The following TTLL5 variants were observed in gnomAD, a reference collection of about 807,000 sequenced individuals.
TTLL5 encodes the protein tubulin polyglutamylase TTLL5.
A neutral mutation model predicts 168.4 loss-of-function variants in TTLL5; 132 were observed. That is an observed-to-expected ratio of 0.78 (90% CI 0.68 to 0.91). The LOEUF (loss-of-function observed/expected upper bound fraction) is 0.91. Among genes scored for constraint, TTLL5 ranks in the 40% least tolerant of loss-of-function variants. The pLI is 0.00. For synonymous variants in TTLL5, 546 were observed against 558.6 expected, an observed-to-expected ratio of 0.98 and a Z score of 0.32; for missense variants, 1,545 against 1,581.5, an observed-to-expected ratio of 0.98 and a Z score of 0.39.
chr14:75,700,844 G>A (rs1254242962), intron 7 of TTLL5, among the ~76,000 whole-genome samples: 2 of 152,048 alleles, frequency 1.3e-5, no homozygotes, highest in African/African-American at 2.4e-5. Context: ...TGCTGCTGCC[G>A]CTGACAGACT....
intron 15 of TTLL5, among the ~76,000 whole-genome samples, chr14:75,739,255 C>T (rs1014900101): frequency 1.3e-5 from 2 of 152,132 alleles, no homozygotes; most frequent in Admixed American, 6.5e-5. Flanking sequence ...TACTTGCTTA[C>T]GTGACATAAA....
At chr14:75,933,685 A>C (rs2034346695) in intron 31 of TTLL5, among the ~76,000 whole-genome samples, 1 of 152,186 alleles carries the variant, frequency 6.6e-6, no homozygotes, top group Admixed American at 6.5e-5. Flanking sequence ...TTATGGACTG[A>C]ATTGTGTCCA....
intron 12 of TTLL5, among the ~76,000 whole-genome samples, chr14:75,729,191 A>T (rs1888375925): frequency 6.6e-6 from 1 of 152,210 alleles, no homozygotes; most frequent in Admixed American, 6.5e-5. Flanking sequence ...TAGTCCTTTG[A>T]AAACACTTGC....
intron 14 of TTLL5, 84 bp from the exon 15 acceptor site, chr14:75,735,111 T>G: frequency 8.0e-7 from 1 of 1,247,082 alleles, no homozygotes; most frequent in Non-Finnish European, 1.2e-6. Context: ...GAAACTGAGT[T>G]TGTGTATCTA....
Position 75,813,283 on chromosome 14 carries a change from T to TGC in TTLL5, c.3172-6723_3172-6722insCG, listed in dbSNP as rs1894176987. Among the ~76,000 whole-genome samples, 3 of 10,874 alleles carry TGC rather than the reference T, an allele frequency of 2.8e-4. No individual in the cohort carries two copies. In the South Asian group the frequency reaches 0.014, roughly 51 times the overall value. 7.1% of individuals were successfully genotyped at this position (10,874 alleles called of 152,430 possible). On this transcript the variant is annotated intron_variant, in intron 27 of 31. Coordinates refer to ENST00000298832, the MANE Select transcript of TTLL5 (RefSeq NM_015072.5). Reference sequence around the variant, plus strand: ...CTGTGTGTGTGTTTGTGTGTGTGTGTGTGTGTGTGTGTGTGTGTGTGTGTG... The same window carrying TGC: ...CTGTGTGTGTGTTTGTGTGTGTGTGTGCGTGTGTGTGTGTGTGTGTGTGTGTG...
At chr14:75,853,614 T>C (rs1896985962) in intron 28 of TTLL5, among the ~76,000 whole-genome samples, 1 of 152,222 alleles carries the variant, frequency 6.6e-6, no homozygotes, top group Non-Finnish European at 1.5e-5. Context: ...AAAAGTTATT[T>C]TATAGCTAAA....
At chr14:75,717,994 G>T in intron 10 of TTLL5, 32 bp downstream of exon 10, 2 of 1,599,572 alleles carry the variant, frequency 1.3e-6, no homozygotes, top group South Asian at 1.1e-5. Context: ...GAAGTCAGAG[G>T]TGTCAGTCTC....
rs573917274 is a variant in TTLL5 at position 75,792,920 on chromosome 14, G to A, written c.2991G>A (p.Ser997=). The A allele has an allele frequency of 2.0e-5, 32 of 1,592,646 alleles. 1 individual carries two copies. The South Asian group carries it at 2.5e-4, about 12-fold the overall frequency. The change falls in exon 27 of 32, where the codon TCG becomes TCA. Residue 997 remains serine, a synonymous_variant. Coordinates refer to ENST00000298832, the MANE Select transcript of TTLL5 (RefSeq NM_015072.5). ...AACTTTTCTCCGTTTTAGCAGGATC[G>A]TGCTATCTAAACAAGCATCATTCAG... ...LSRPSSAKAG[S]CYLNKHHSGI... is the part of the protein sequence containing the mutation.
intron 30 of TTLL5, among the ~76,000 whole-genome samples, chr14:75,901,047 A>C (rs145424583): frequency 0.014 from 2,171 of 152,350 alleles, 62 homozygotes; most frequent in African/African-American, 0.047. Context: ...AAAACAAAGA[A>C]CTGAGCATGT....
chr14:75,836,192 G>C (rs901957131), intron 28 of TTLL5, among the ~76,000 whole-genome samples: 1 of 152,172 alleles, frequency 6.6e-6, no homozygotes, highest in Non-Finnish European at 1.5e-5. Flanking sequence ...CATACACATA[G>C]TAGAGTACTG....
intron 24 of TTLL5, among the ~76,000 whole-genome samples, chr14:75,781,316 G>A (rs533793816): frequency 2.0e-4 from 31 of 152,244 alleles, no homozygotes; most frequent in African/African-American, 6.7e-4. Context: ...GTAGGAAGAC[G>A]TCAATCAAGG....
At chr14:75,911,621 T>C (rs2033390336) in intron 31 of TTLL5, among the ~76,000 whole-genome samples, 1 of 152,192 alleles carries the variant, frequency 6.6e-6, no homozygotes, top group African/African-American at 2.4e-5. Flanking sequence ...TGTAATTTGA[T>C]TCCCAGGGAA....
chr14:75,798,387 A>AT (rs1002064408), intron 27 of TTLL5, among the ~76,000 whole-genome samples: 18 of 136,258 alleles, frequency 1.3e-4, no homozygotes, highest in African/African-American at 3.0e-4. Flanking sequence ...TTGTTTATTT[A>AT]TTTTTTTTTC....
intron 28 of TTLL5, among the ~76,000 whole-genome samples, chr14:75,834,228 AT>A (rs972919812): frequency 4.6e-5 from 7 of 152,122 alleles, no homozygotes; most frequent in African/African-American, 1.7e-4. Context: ...AATGGCGGAG[AT>A]TTGTGCAAAG....
chr14:75,687,933 C>T (rs183616831), intron 5 of TTLL5, among the ~76,000 whole-genome samples: 6 of 152,248 alleles, frequency 3.9e-5, no homozygotes, highest in African/African-American at 1.4e-4. Context: ...CAGAAAACAC[C>T]AAGTGTGGGC....
chr14:75,873,658 GT>G (rs938025430), intron 29 of TTLL5, among the ~76,000 whole-genome samples: 1 of 3,090 alleles, frequency 3.2e-4, no homozygotes, highest in Non-Finnish European at 5.2e-4. Flanking sequence ...TCTTTTTTTA[GT>G]TTTTTTTTTT....
intron 12 of TTLL5, 52 bp from the exon 13 acceptor site, chr14:75,732,286 T>G: frequency 6.5e-7 from 1 of 1,528,332 alleles, no homozygotes; most frequent in Admixed American, 1.7e-5. Context: ...GATCTTTGTG[T>G]AGTTGTGACA....
intron 12 of TTLL5, among the ~76,000 whole-genome samples, chr14:75,724,365 T>C (rs1888049829): frequency 6.6e-6 from 1 of 152,218 alleles, no homozygotes; most frequent in African/African-American, 2.4e-5. Context: ...CGGCAGTGTA[T>C]TACCATCAAG....
intron 28 of TTLL5, among the ~76,000 whole-genome samples, chr14:75,832,000 T>C (rs1037647180): frequency 2.0e-5 from 3 of 152,158 alleles, no homozygotes; most frequent in Non-Finnish European, 4.4e-5. Flanking sequence ...GGGAACATAG[T>C]ACAGTTTGAA....
Sources: allele counts gnomAD v4.1 joint callset (sites outside exome capture counted in the v4.1 genomes callset), GRCh38; gene constraint gnomAD v4.1.1; transcripts MANE v1.5; gene names NCBI Gene and HGNC (gene_info 2026-07-23, HGNC 2026-07-21).